KRT73: variants seen among roughly 807,000 people sequenced by gnomAD.
The protein encoded by KRT73 is keratin, type II cytoskeletal 73.
A neutral mutation model predicts 47.2 loss-of-function variants in KRT73; 44 were observed. The ratio of observed to expected loss-of-function variants is 0.93; its 90% CI spans 0.73 to 1.20. The LOEUF is 1.20. Among genes scored for constraint, KRT73 ranks in the 50% most tolerant of loss-of-function variants. The pLI is 0.00. For missense variants in KRT73, 713 were observed against 704.5 expected (o/e 1.01, Z -0.14); for synonymous variants, 285 against 291.3 (o/e 0.98, Z 0.22).
In KRT73 at chr12:52,618,292, G is replaced by T. The variant is rs139077607; in HGVS notation, c.233C>A (p.Ala78Asp). 20 of 1,614,072 alleles carry T rather than the reference G, an allele frequency of 1.2e-5. No individual in the cohort carries two copies. The highest frequency in any genetic ancestry group is 1.7e-5 in the Non-Finnish European group (20 of 1,180,044). Reference protein sequence around the residue: ...AGGYGFGRGRASGFAGSMFGS... With the variant: ...AGGYGFGRGRDSGFAGSMFGS... The stretch of plus-strand genomic sequence containing the variant: ...AAACATGCTGCCAGCAAAGCCACTG[G>T]CCCGGCCCCGGCCAAATCCATAGCC... The change falls in exon 1 of 9, where the codon GCC (alanine) becomes GAC (aspartate). Residue 78 changes from alanine to aspartate, a missense_variant. Physicochemically the swap from Ala to Asp is moderately radical, Grantham distance 126. Coordinates refer to ENST00000305748, the MANE Select transcript of KRT73 (RefSeq NM_175068.3).
the KRT73 span, among the ~76,000 whole-genome samples, chr12:52,625,780 G>C: frequency 1.3e-5 from 2 of 151,922 alleles, no homozygotes; most frequent in African/African-American, 4.8e-5. Context: ...ATGTCATAGA[G>C]TACTACTCAG....
intron 7 of KRT73, chr12:52,610,360 A>T: frequency 2.1e-6 from 1 of 469,582 alleles, no homozygotes; most frequent in Non-Finnish European, 3.9e-6. Context: ...TACAGGCACG[A>T]ACCACTGCGC....
chr12:52,614,637 T>C lies in KRT73; in HGVS notation c.761A>G (p.Gln254Arg), dbSNP rs773571428. 1.9e-6 allele frequency: 3 copies of C among 1,613,816 alleles called. No individual in the cohort carries two copies. The East Asian group carries it at 6.7e-5, about 36-fold the overall frequency. The change falls in exon 4 of 9, where the codon CAG (glutamine) becomes CGG (arginine). Residue 254 changes from glutamine to arginine, a missense_variant. Coordinates refer to ENST00000305748, the MANE Select transcript of KRT73 (RefSeq NM_175068.3). ...DAAYTSKVEL[Q>R]AKVDALDGEI... is the part of the protein sequence containing the mutation. ...TCCATCCAGGGCATCCACCTTGGCC[T>C]GCAGCTCCACTTTGCTCGTGTAAGC...
At chr12:52,624,525 C>T in the KRT73 span, among the ~76,000 whole-genome samples, 3 of 152,142 alleles carry the variant, frequency 2.0e-5, no homozygotes, top group South Asian at 6.2e-4. Flanking sequence ...AAATAAACCT[C>T]AACAAGTTGT....
At chr12:52,614,465 C>T in intron 4 of KRT73, 114 bp downstream of exon 4, 2 of 834,598 alleles carry the variant, frequency 2.4e-6, no homozygotes, top group South Asian at 1.9e-5. Flanking sequence ...TTTCTCAGCA[C>T]CCCAATGCTG....
the KRT73 span, among the ~76,000 whole-genome samples, chr12:52,630,271 CG>C: frequency 6.6e-6 from 1 of 152,192 alleles, no homozygotes; most frequent in African/African-American, 2.4e-5. Context: ...GTGCCTGCCA[CG>C]ACGGAGTGCA....
At chr12:52,623,557 T>A (rs1353749893), upstream of KRT73, among the ~76,000 whole-genome samples, 2 of 152,158 alleles carry the variant, frequency 1.3e-5, no homozygotes, top group African/African-American at 2.4e-5. Context: ...TGATAATTTT[T>A]AAAAAATAAG....
At chr12:52,627,242 C>A in the KRT73 span, among the ~76,000 whole-genome samples, 1 of 152,210 alleles carries the variant, frequency 6.6e-6, no homozygotes, top group African/African-American at 2.4e-5. Context: ...ATGCTCTTCC[C>A]AAGATAGCAT....
In KRT73 at chr12:52,615,308, C is replaced by T. The variant is rs535061004; in HGVS notation, c.694G>A (p.Ala232Thr). Residue 232 changes from alanine to threonine, a missense_variant, in exon 3 of 9, where the codon GCT becomes ACT. Transcript: ENST00000305748. Reference sequence around the variant, plus strand: ...TTAAGCACCACAAATTCATTCTCAGCAGTTGTGCGCTTGTTTATTTCTTCT... The same window carrying T: ...TTAAGCACCACAAATTCATTCTCAGTAGTTGTGCGCTTGTTTATTTCTTCT... ...YEEEINKRTT[A>T]ENEFVVLKKD... The T allele has an allele frequency of 6.2e-6, 10 of 1,613,876 alleles. No homozygotes were observed. The South Asian group carries it at 7.7e-5, about 12-fold the overall frequency.
At chr12:52,622,081 A>T (rs779299627), upstream of KRT73, among the ~76,000 whole-genome samples, 3 of 152,226 alleles carry the variant, frequency 2.0e-5, no homozygotes, top group African/African-American at 7.2e-5. Flanking sequence ...CCAAATGTTT[A>T]TTTAAAAAAT....
intron 7 of KRT73, 95 bp from the exon 8 acceptor site, chr12:52,609,376 C>G: frequency 9.7e-7 from 1 of 1,032,680 alleles, no homozygotes; most frequent in South Asian, 1.3e-5. Context: ...CCAGCCAGAC[C>G]AGCTCAGCCT....
chr12:52,611,201 C>G lies in KRT73; in HGVS notation c.1110+3G>C, dbSNP rs751665384. 2.8e-5 allele frequency: 45 copies of G among 1,614,056 alleles called. No homozygotes were observed. Among genetic ancestry groups the G allele is most frequent in the Non-Finnish European group, 3.5e-5 (41 of 1,180,028 alleles). ...GAGTAAGGAAGGCTCCAGTCCCCTT[C>G]ACCTGCTTCTTCACACTCTCAATCT... On this transcript the variant is annotated splice_donor_region_variant and intron_variant, in intron 6 of 8. Coordinates refer to ENST00000305748, the MANE Select transcript of KRT73 (RefSeq NM_175068.3).
chr12:52,610,230 C>G, intron 7 of KRT73: 1 of 271,002 alleles, frequency 3.7e-6, no homozygotes, highest in Non-Finnish European at 7.2e-6. Flanking sequence ...CATGCACCAC[C>G]ACATCCAGCT....
intron 5 of KRT73, among the ~76,000 whole-genome samples, chr12:52,613,086 A>G (rs2120867491): frequency 6.6e-6 from 1 of 152,192 alleles, no homozygotes; most frequent in Middle Eastern, 3.4e-3. Context: ...ATGAGATAAG[A>G]TCTCCCAAGA....
intron 8 of KRT73, 81 bp from the exon 9 acceptor site, chr12:52,608,533 C>A: frequency 7.8e-7 from 1 of 1,284,702 alleles, no homozygotes; most frequent in Non-Finnish European, 1.0e-6. Flanking sequence ...CCTCCCAGCC[C>A]CACTAGCTTA....
upstream of KRT73, among the ~76,000 whole-genome samples, chr12:52,622,676 T>C (rs1325120567): frequency 6.6e-6 from 1 of 152,226 alleles, no homozygotes; most frequent in Non-Finnish European, 1.5e-5. Context: ...TTCCGCTCCT[T>C]GCTGCCTGCC....
At chr12:52,629,446 A>G in the KRT73 span, among the ~76,000 whole-genome samples, 1 of 152,100 alleles carries the variant, frequency 6.6e-6, no homozygotes, top group Non-Finnish European at 1.5e-5. Context: ...CGGAAGAGGA[A>G]CCCTGCAGCT....
chr12:52,609,887 T>C (rs1380827947), intron 7 of KRT73: 1 of 153,236 alleles, frequency 6.5e-6, no homozygotes. Context: ...TATTATTACC[T>C]AACCAAATAA....
chr12:52,609,790 A>G (rs1305004702), intron 7 of KRT73: 2 of 153,578 alleles, frequency 1.3e-5, no homozygotes, highest in Non-Finnish European at 2.9e-5. Context: ...TTAGATATTT[A>G]GTATTTTTAA....
Sources: gnomAD v4.1 joint callset for allele counts (sites outside exome capture counted in the v4.1 genomes callset) on GRCh38, gnomAD v4.1.1 for gene constraint, MANE v1.5 for transcripts, NCBI Gene and HGNC (gene_info 2026-07-23, HGNC 2026-07-21) for gene names.